Variants in PCDH1 observed in about 807,000 individuals in gnomAD.
PCDH1 encodes protocadherin 1, also known as protocadherin-1.
In PCDH1, 23 loss-of-function variants were observed where a neutral mutation model predicts 74.6. The observed-to-expected ratio is 0.31, with a 90% confidence interval of 0.22 to 0.44. The LOEUF (loss-of-function observed/expected upper bound fraction) is 0.44, where lower values mean the gene tolerates loss of function less well. Among genes scored for constraint, PCDH1 ranks in the 20% least tolerant of loss-of-function variants. The pLI is 1.00. For missense variants in PCDH1, 1,214 were observed against 1,641.4 expected, an observed-to-expected ratio of 0.74 and a Z score of 4.50; for synonymous variants, 647 against 686.1, an observed-to-expected ratio of 0.94 and a Z score of 0.89.
intron 3 of PCDH1, among the ~76,000 whole-genome samples, chr5:141,860,204 G>A (rs1419927132): frequency 6.6e-6 from 1 of 152,090 alleles, no homozygotes; most frequent in African/African-American, 2.4e-5. Flanking sequence ...AATAAATTCA[G>A]AAAACTCAAG....
Position 141,853,744 on chromosome 5 carries a change from G to A in PCDH1, c.*298C>T, listed in dbSNP as rs1752210194. On this transcript the variant is annotated 3_prime_UTR_variant, in exon 5 of 5. Transcript: ENST00000287008. ...CACCATCTGCCCAAATCGAGGGGGTGCTCCCTGGAAGTCAAGGGAAGGAGC... is the reference window on the plus strand; with the variant it reads ...CACCATCTGCCCAAATCGAGGGGGTACTCCCTGGAAGTCAAGGGAAGGAGC... 6.2e-6 allele frequency: 2 copies of A among 320,808 alleles called. No individual in the cohort carries two copies. Among genetic ancestry groups the A allele is most frequent in the Non-Finnish European group, 1.1e-5 (2 of 175,208 alleles). The allele number at this position is 320,808 out of a possible 1,614,324, so 19.9% of individuals were successfully genotyped here.
rs775184102 is a variant in PCDH1 at position 141,863,166 on chromosome 5, C to T, written c.3099+66G>A. 1 of 1,507,120 alleles carries T rather than the reference C, an allele frequency of 6.6e-7. No individual in the cohort carries two copies. Among genetic ancestry groups the T allele is most frequent in the East Asian group, 2.3e-5 (1 of 43,790 alleles). 93.4% of individuals were successfully genotyped at this position (1,507,120 alleles called of 1,614,324 possible). A position where few individuals can be genotyped will look rare whatever the true frequency, so the allele number is the denominator to read the frequency against. ...TGCTCCATCACTCCCACACCTCGGT[C>T]CAGATGGCTCCGTGGTAGGGGTGGG... On this transcript the variant is annotated intron_variant, in intron 3 of 4. Coordinates refer to ENST00000287008, the MANE Select transcript of PCDH1 (RefSeq NM_032420.5). The surrounding 1 kb of genome is among the most constrained non-coding windows in gnomAD (Gnocchi z 7.5).
At position 141,876,064 on chromosome 5, in the gene PCDH1, G is replaced by T. The variant is rs569996563; in HGVS notation, c.40+2159C>A. ...GTCCGCACCGCCTTGGTCAGCGGGCGCTCCCAGCACACACCCAGCGCGCGG... is the reference window on the plus strand; with the variant it reads ...GTCCGCACCGCCTTGGTCAGCGGGCTCTCCCAGCACACACCCAGCGCGCGG... On this transcript the variant is annotated intron_variant, in intron 1 of 4. Coordinates refer to ENST00000287008, the MANE Select transcript of PCDH1 (RefSeq NM_032420.5). 2.0e-5 allele frequency among the ~76,000 whole-genome samples: 3 copies of T among 152,332 alleles called. No individual in the cohort carries two copies. In the South Asian group the frequency reaches 6.2e-4, roughly 32 times the overall value.
At position 141,868,874 on chromosome 5, in the gene PCDH1, T is replaced by A; in HGVS notation, c.598A>T (p.Asn200Tyr). The A allele has an allele frequency of 6.2e-7, 1 of 1,614,222 alleles. No homozygotes were observed. Among genetic ancestry groups the A allele is most frequent in the Non-Finnish European group, 8.5e-7 (1 of 1,180,040 alleles). The change falls in exon 2 of 5, where the codon AAC becomes TAC. Residue 200 changes from asparagine (N) to tyrosine (Y), a missense_variant. Coordinates refer to ENST00000287008, the MANE Select transcript of PCDH1 (RefSeq NM_032420.5). The surrounding 1 kb of genome is among the most constrained non-coding windows in gnomAD (Gnocchi z 4.8). ...PLASDRDAGP[N>Y]GVASYELQAG... ...TGCAGCTCATAGGATGCCACACCGTTGGGACCAGCATCACGGTCTGAAGCC... is the reference window on the plus strand; with the variant it reads ...TGCAGCTCATAGGATGCCACACCGTAGGGACCAGCATCACGGTCTGAAGCC...
intron 3 of PCDH1, among the ~76,000 whole-genome samples, chr5:141,857,971 G>A (rs1032950000): frequency 1.9e-4 from 29 of 152,142 alleles, no homozygotes; most frequent in Admixed American, 1.6e-3. Flanking sequence ...CCTAAAAGAA[G>A]CAGACTCCTA....
rs1483251918 is a variant in PCDH1 at position 141,864,408 on chromosome 5, C to T, written c.1923G>A (p.Lys641=). 1.2e-6 allele frequency: 2 copies of T among 1,614,182 alleles called. No homozygotes were observed. The highest frequency in any genetic ancestry group is 4.5e-5 in the East Asian group (2 of 44,880). ...AGAGCTGCACCTGGGCATTCTCCCC[C>T]TTGTCTCCATCAATGACAGTCACCA... ...VGMVTVIDGD[K]GENAQVQLSV... is the part of the protein sequence containing the mutation. The change falls in exon 3 of 5, where the codon AAG becomes AAA. Residue 641 remains lysine, a synonymous_variant. Transcript: ENST00000287008. The surrounding 1 kb of genome is among the most constrained non-coding windows in gnomAD (Gnocchi z 5.9).
At position 141,854,156 on chromosome 5, in the gene PCDH1, A is replaced by G. The variant is rs1752229348; in HGVS notation, c.3600T>C (p.Asp1200=). 1 of 1,603,814 alleles carries G rather than the reference A, an allele frequency of 6.2e-7. No homozygotes were observed. The highest frequency in any genetic ancestry group is 1.1e-5 in the South Asian group (1 of 90,280). ...CCAAGGTGGCCGAGTCCTTGCAGGA[A>G]TCATGGCTACTGTGGGAGAAGGCAC... The part of the protein sequence containing the change: ...SYSAFSHSSH[D]SCKDSATLEE... The change falls in exon 5 of 5, where the codon GAT becomes GAC. Residue 1200 remains aspartate (D), a synonymous_variant. Coordinates refer to ENST00000287008, the MANE Select transcript of PCDH1 (RefSeq NM_032420.5).
chr5:141,869,695 C>A lies in PCDH1; in HGVS notation c.41-264G>T. 2.7e-6 allele frequency: 4 copies of A among 1,507,296 alleles called. No individual in the cohort carries two copies. Among genetic ancestry groups the A allele is most frequent in the Admixed American group, 2.0e-5 (1 of 49,056 alleles). The allele number at this position is 1,507,296 out of a possible 1,614,324, so 93.4% of individuals were successfully genotyped here. ...TAGAGCAGCTCCCGCCCATGGAACA[C>A]CCTCACCCACCTGACGCTCCCTGGG... On this transcript the variant is annotated intron_variant, in intron 1 of 4. Transcript: ENST00000287008. This position sits in a 1 kb window ranked among gnomAD's most constrained non-coding sequence, Gnocchi z 4.9.
chr5:141,863,718 C>T lies in PCDH1; in HGVS notation c.2613G>A (p.Ala871=), dbSNP rs768809053. Residue 871 remains alanine, a synonymous_variant, in exon 3 of 5, where the codon GCG becomes GCA. Transcript: ENST00000287008. This position sits in a 1 kb window ranked among gnomAD's most constrained non-coding sequence, Gnocchi z 7.5. ...GCTGTCTGCAGTAGCGCACAAGAAC[C>T]GCCAGGGCGATGAGCAAGGCCACGG... ...VVAVALLIAL[A]VLVRYCRQRE... is the part of the protein sequence containing the mutation. The T allele has an allele frequency of 1.5e-5, 25 of 1,614,204 alleles. No individual in the cohort carries two copies. Among genetic ancestry groups the T allele is most frequent in the South Asian group, 7.7e-5 (7 of 91,082 alleles).
At position 141,868,741 on chromosome 5, in the gene PCDH1, T is replaced by A; in HGVS notation, c.731A>T (p.Asp244Val). ...VMGNLDRERW[D>V]SYDLTIKVQD... is the part of the protein sequence containing the mutation. ...CACCTTGATGGTGAGGTCATAGGAG[T>A]CCCAGCGCTCACGGTCCAGGTTGCC... Residue 244 changes from aspartate to valine, a missense_variant, in exon 2 of 5, where the codon GAC (aspartate) becomes GTC (valine). This residue lies in a region of PCDH1 where 836 missense variants were observed against 1,182.2 expected (regional missense o/e 0.71). Coordinates refer to ENST00000287008, the MANE Select transcript of PCDH1 (RefSeq NM_032420.5). The surrounding 1 kb of genome is among the most constrained non-coding windows in gnomAD (Gnocchi z 4.8). 1 of 1,613,948 alleles carries A rather than the reference T, an allele frequency of 6.2e-7. No individual in the cohort carries two copies. The highest frequency in any genetic ancestry group is 8.5e-7 in the Non-Finnish European group (1 of 1,179,966).
rs1752809655 is a variant in PCDH1 at position 141,865,961 on chromosome 5, GTGTT to G, written c.904-538_904-535del. 1.4e-6 allele frequency: 1 copy of G among 713,990 alleles called. No homozygotes were observed. The highest frequency in any genetic ancestry group is 1.7e-6 in the Non-Finnish European group (1 of 575,382). The allele number at this position is 713,990 out of a possible 1,614,324, so 44.2% of individuals were successfully genotyped here. On this transcript the variant is annotated intron_variant, in intron 2 of 4. Coordinates refer to ENST00000287008, the MANE Select transcript of PCDH1 (RefSeq NM_032420.5). The surrounding 1 kb of genome is among the most constrained non-coding windows in gnomAD (Gnocchi z 4.4). ...GATATGTTTGTGTGAGAAGGTATAT[GTGTT>G]TGTATGTGTATGATTGTGTCAGAAT...
Position 141,864,527 on chromosome 5 carries a change from C to T in PCDH1, c.1804G>A (p.Val602Met). 1 of 1,614,146 alleles carries T rather than the reference C, an allele frequency of 6.2e-7. No individual in the cohort carries two copies. The highest frequency in any genetic ancestry group is 8.5e-7 in the Non-Finnish European group (1 of 1,180,024). The change falls in exon 3 of 5, where the codon GTG becomes ATG. Residue 602 changes from valine (V) to methionine (M), a missense_variant. Val to Met is a conservative substitution (Grantham distance 21). Coordinates refer to ENST00000287008, the MANE Select transcript of PCDH1 (RefSeq NM_032420.5). This position sits in a 1 kb window ranked among gnomAD's most constrained non-coding sequence, Gnocchi z 5.9. ...GGGTCATTGTCATTGCAGTCCAGCA[C>T]ATTGACAAGGACAGTGGCTGTGCCC... ...LQGTATVLVNVLDCNDNDPKF... is the reference protein window; with the variant it reads ...LQGTATVLVNMLDCNDNDPKF...
chr5:141,871,239 T>C (rs929702000), intron 1 of PCDH1, among the ~76,000 whole-genome samples: 2 of 152,264 alleles, frequency 1.3e-5, no homozygotes, highest in South Asian at 4.1e-4. Flanking sequence ...CTGTAGGGAC[T>C]CAGTCATGCA....
chr5:141,871,535 A>C (rs896664189), intron 1 of PCDH1, among the ~76,000 whole-genome samples: 1 of 152,214 alleles, frequency 6.6e-6, no homozygotes, highest in Non-Finnish European at 1.5e-5. Context: ...CCTTACCTGT[A>C]AAATGGGGAT....
At position 141,869,503 on chromosome 5, in the gene PCDH1, G is replaced by A. The variant is rs1035436742; in HGVS notation, c.41-72C>T. 1 of 1,562,810 alleles carries A rather than the reference G, an allele frequency of 6.4e-7. No homozygotes were observed. The highest frequency in any genetic ancestry group is 2.3e-5 in the East Asian group (1 of 43,622). On this transcript the variant is annotated intron_variant, in intron 1 of 4. Transcript: ENST00000287008. The surrounding 1 kb of genome is among the most constrained non-coding windows in gnomAD (Gnocchi z 4.9). ...GCCTGGCCCTGAGCTGCCCAGAGCT[G>A]GCCCCATACTCACCCTCTCCCACTG... is the stretch of plus-strand genomic sequence containing the variant.
Position 141,864,691 on chromosome 5 carries a change from G to A in PCDH1, c.1640C>T (p.Pro547Leu), listed in dbSNP as rs749733959. ...GAAGAGGCCCTTAGCAGCCGGCTCA[G>A]GCTCCAGAGAGTAAACCAGCTCAGC... ...SNAELVYSLEPEPAAKGLFTI... is the reference protein window; with the variant it reads ...SNAELVYSLELEPAAKGLFTI... Residue 547 changes from proline (P) to leucine (L), a missense_variant, in exon 3 of 5, where the codon CCT becomes CTT. Pro to Leu is a moderately conservative substitution (Grantham distance 98). This residue lies in a region of PCDH1 where 836 missense variants were observed against 1,182.2 expected (regional missense o/e 0.71). Coordinates refer to ENST00000287008, the MANE Select transcript of PCDH1 (RefSeq NM_032420.5). The surrounding 1 kb of genome is among the most constrained non-coding windows in gnomAD (Gnocchi z 5.9). 1 of 1,614,166 alleles carries A rather than the reference G, an allele frequency of 6.2e-7. No homozygotes were observed. The highest frequency in any genetic ancestry group is 1.7e-5 in the Admixed American group (1 of 60,032).
chr5:141,861,115 C>CAAAAAAAAAA (rs59007688), intron 3 of PCDH1, among the ~76,000 whole-genome samples: 1 of 61,928 alleles, frequency 1.6e-5, no homozygotes, highest in Non-Finnish European at 2.8e-5. Flanking sequence ...AACTCCATCT[C>CAAAAAAAAAA]AAAAAAAAAA....
At position 141,869,518 on chromosome 5, in the gene PCDH1, C is replaced by A. The variant is rs770472727; in HGVS notation, c.41-87G>T. 2.7e-5 allele frequency: 42 copies of A among 1,551,984 alleles called. No homozygotes were observed. The South Asian group carries it at 4.7e-4, about 17-fold the overall frequency. On this transcript the variant is annotated intron_variant, in intron 1 of 4. Coordinates refer to ENST00000287008, the MANE Select transcript of PCDH1 (RefSeq NM_032420.5). The surrounding 1 kb of genome is among the most constrained non-coding windows in gnomAD (Gnocchi z 4.9). ...GCCCAGAGCTGGCCCCATACTCACCCTCTCCCACTGACACACGATTCTCCA... is the reference window on the plus strand; with the variant it reads ...GCCCAGAGCTGGCCCCATACTCACCATCTCCCACTGACACACGATTCTCCA...
Position 141,857,403 on chromosome 5 carries a change from G to A in PCDH1, c.3168C>T (p.His1056=), listed in dbSNP as rs775763890. The change falls in exon 4 of 5, where the codon CAC becomes CAT. Residue 1056 remains histidine (H), a synonymous_variant. Transcript: ENST00000287008. ...CCTCCAGGCCACTGTCATAGTAACT[G>A]TGCTGGGATGGGTCCTGCAGCTCCT... ...QAQELQDPSQ[H]SYYDSGLEES... 2 of 1,614,114 alleles carry A rather than the reference G, an allele frequency of 1.2e-6. No individual in the cohort carries two copies. Among genetic ancestry groups the A allele is most frequent in the Admixed American group, 3.3e-5 (2 of 60,008 alleles).
Sources: allele counts gnomAD v4.1 joint callset (sites outside exome capture counted in the v4.1 genomes callset), GRCh38; gene constraint gnomAD v4.1.1; regional missense constraint gnomAD v4.1.1; non-coding constraint Gnocchi (gnomAD v3.1); transcripts MANE v1.5; gene names NCBI Gene and HGNC (gene_info 2026-07-23, HGNC 2026-07-21).